The following CORIN variants were observed in gnomAD, a reference collection of about 807,000 sequenced individuals.
The protein encoded by CORIN is corin, serine peptidase.
Under a neutral mutation model 125.3 loss-of-function variants are expected in CORIN, and 117 were observed. The ratio of observed to expected loss-of-function variants is 0.93; its 90% CI spans 0.80 to 1.09. The LOEUF (loss-of-function observed/expected upper bound fraction) is 1.09. Among genes scored for constraint, CORIN ranks in the 50% least tolerant of loss-of-function variants. The pLI is 0.00. For missense variants in CORIN, 1,253 were observed against 1,306.7 expected, an observed-to-expected ratio of 0.96 and a Z score of 0.63; for synonymous variants, 450 against 466.4, an observed-to-expected ratio of 0.96 and a Z score of 0.45.
At chr4:47,777,945 A>G (rs1730371242) in intron 3 of CORIN, among the ~76,000 whole-genome samples, 1 of 152,252 alleles carries the variant, frequency 6.6e-6, no homozygotes, top group Non-Finnish European at 1.5e-5. Flanking sequence ...GATTACATAC[A>G]GTGCCAATTT....
At chr4:47,609,864 T>A (rs1560470984) in intron 19 of CORIN, among the ~76,000 whole-genome samples, 1 of 152,216 alleles carries the variant, frequency 6.6e-6, no homozygotes, top group Non-Finnish European at 1.5e-5. Context: ...TATTTGATTT[T>A]CTGTTCCTGT....
chr4:47,632,725 T>TGATGATAGATA (rs1553905877), intron 16 of CORIN, among the ~76,000 whole-genome samples: 1 of 126,658 alleles, frequency 7.9e-6, no homozygotes, highest in Non-Finnish European at 1.6e-5. Context: ...TGACAATAGA[T>TGATGATAGATA]GATAGATAGA....
intron 10 of CORIN, among the ~76,000 whole-genome samples, chr4:47,672,859 G>A (rs1306979062): frequency 1.3e-5 from 2 of 152,028 alleles, no homozygotes; most frequent in Non-Finnish European, 2.9e-5. Context: ...AATCCTGTCA[G>A]TCTGGGTTAA....
chr4:47,612,659 A>C (rs1278223160), intron 19 of CORIN, among the ~76,000 whole-genome samples: 1 of 152,214 alleles, frequency 6.6e-6, no homozygotes, highest in Non-Finnish European at 1.5e-5. Flanking sequence ...GTAACAGACT[A>C]ACTTGCTGGT....
At chr4:47,735,536 C>T (rs978419239) in intron 5 of CORIN, among the ~76,000 whole-genome samples, 5 of 152,068 alleles carry the variant, frequency 3.3e-5, no homozygotes, top group Non-Finnish European at 7.4e-5. Context: ...TTTCCAAGAT[C>T]ATCAATCTCT....
chr4:47,613,609 C>T (rs1018134181), intron 19 of CORIN, among the ~76,000 whole-genome samples: 14 of 151,248 alleles, frequency 9.3e-5, no homozygotes, highest in Non-Finnish European at 1.9e-4. Context: ...ACATATACAC[C>T]ATGGAATACT....
At chr4:47,661,131 C>T (rs1448294383) in intron 12 of CORIN, among the ~76,000 whole-genome samples, 1 of 152,130 alleles carries the variant, frequency 6.6e-6, no homozygotes, top group African/African-American at 2.4e-5. Flanking sequence ...AAAATTAACA[C>T]AATTGAAGTC....
intron 5 of CORIN, among the ~76,000 whole-genome samples, chr4:47,725,282 C>T (rs1727536082): frequency 6.6e-6 from 1 of 151,624 alleles, no homozygotes; most frequent in African/African-American, 2.4e-5. Flanking sequence ...CTAATTCTAA[C>T]ACTTACATAG....
chr4:47,837,010 T>C (rs889859557), intron 1 of CORIN, among the ~76,000 whole-genome samples: 2 of 152,174 alleles, frequency 1.3e-5, no homozygotes, highest in South Asian at 2.1e-4. Context: ...AATTAGACCT[T>C]CTTCCTGGGG....
At chr4:47,616,304 C>T (rs1560473696) in intron 19 of CORIN, among the ~76,000 whole-genome samples, 1 of 151,798 alleles carries the variant, frequency 6.6e-6, no homozygotes, top group Non-Finnish European at 1.5e-5. Flanking sequence ...TATTCACATA[C>T]CTTATATTCA....
chr4:47,750,086 C>T (rs1236520558), intron 4 of CORIN, among the ~76,000 whole-genome samples: 1 of 152,178 alleles, frequency 6.6e-6, no homozygotes, highest in East Asian at 1.9e-4. Flanking sequence ...CAACAGATGA[C>T]AACACTACTG....
intron 7 of CORIN, chr4:47,683,475 T>C (rs1413334567): frequency 1.5e-5 from 5 of 327,890 alleles, no homozygotes; most frequent in Non-Finnish European, 2.2e-5. Flanking sequence ...AAACTATTAA[T>C]GCATTAACAA....
At chr4:47,821,310 GA>G (rs1732500867) in intron 1 of CORIN, among the ~76,000 whole-genome samples, 1 of 151,490 alleles carries the variant, frequency 6.6e-6, no homozygotes. Context: ...CTACAACAGA[GA>G]GCAGTCTCAT....
At chr4:47,634,468 T>C (rs1163117922) in intron 16 of CORIN, among the ~76,000 whole-genome samples, 1 of 152,050 alleles carries the variant, frequency 6.6e-6, no homozygotes, top group Non-Finnish European at 1.5e-5. Flanking sequence ...ACCCCATCTC[T>C]ACTAAAAATA....
At chr4:47,739,368 G>A (rs961007969) in intron 5 of CORIN, among the ~76,000 whole-genome samples, 1 of 152,004 alleles carries the variant, frequency 6.6e-6, no homozygotes, top group African/African-American at 2.4e-5. Flanking sequence ...TCCAAACTGA[G>A]GAGTCCAAAA....
At chr4:47,628,415 C>A (rs1722670636) in intron 16 of CORIN, among the ~76,000 whole-genome samples, 1 of 150,166 alleles carries the variant, frequency 6.7e-6, no homozygotes, top group South Asian at 2.1e-4. Context: ...AGCTAAGAAG[C>A]ATATCTATCA....
intron 3 of CORIN, among the ~76,000 whole-genome samples, chr4:47,783,988 C>T (rs1357686797): frequency 6.6e-6 from 1 of 152,088 alleles, no homozygotes; most frequent in Non-Finnish European, 1.5e-5. Context: ...TGAAAGAGCA[C>T]TGATCTTGGA....
intron 5 of CORIN, among the ~76,000 whole-genome samples, chr4:47,699,415 G>A (rs1368303403): frequency 2.0e-5 from 3 of 152,068 alleles, no homozygotes; most frequent in African/African-American, 7.2e-5. Flanking sequence ...CAAAATTGCA[G>A]TCTTCTTTAA....
chr4:47,683,635 A>G, intron 7 of CORIN, 96 bp downstream of exon 7: 1 of 814,214 alleles, frequency 1.2e-6, no homozygotes, highest in Non-Finnish European at 1.9e-6. Context: ...TGTAATTTAA[A>G]CTGCTAATCA....
Sources: allele counts gnomAD v4.1 joint callset (sites outside exome capture counted in the v4.1 genomes callset), GRCh38; gene constraint gnomAD v4.1.1; transcripts MANE v1.5; gene names NCBI Gene and HGNC (gene_info 2026-07-23, HGNC 2026-07-21).